The following KIF13B variants were observed in gnomAD, a reference collection of about 807,000 sequenced individuals.
The protein encoded by KIF13B is kinesin-like protein KIF13B.
In KIF13B, 127 loss-of-function variants were observed where a neutral mutation model predicts 222.0. That is an observed-to-expected ratio of 0.57 (90% CI 0.50 to 0.66). The LOEUF (loss-of-function observed/expected upper bound fraction) is 0.66, where lower values mean the gene tolerates loss of function less well. KIF13B is among the 30% of genes least tolerant of loss of function. KIF13B has a pLI of 0.00. For missense variants in KIF13B, 2,173 were observed against 2,379.0 expected, an observed-to-expected ratio of 0.91 and a Z score of 1.80; for synonymous variants, 976 against 919.0, an observed-to-expected ratio of 1.06 and a Z score of -1.12.
At chr8:29,111,894 A>G (rs1028729420) in intron 32 of KIF13B, among the ~76,000 whole-genome samples, 4 of 152,268 alleles carry the variant, frequency 2.6e-5, no homozygotes, top group Non-Finnish European at 5.9e-5. Context: ...CTTACAAACA[A>G]GAGTGAATGA....
At chr8:29,185,904 T>C (rs1165184119) in intron 6 of KIF13B, among the ~76,000 whole-genome samples, 1 of 152,224 alleles carries the variant, frequency 6.6e-6, no homozygotes, top group Non-Finnish European at 1.5e-5. Flanking sequence ...CCAGCGTTTG[T>C]GAAGGCCTCC....
chr8:29,120,230 C>T (rs1311987573), intron 29 of KIF13B, among the ~76,000 whole-genome samples: 1 of 117,882 alleles, frequency 8.5e-6, no homozygotes, highest in African/African-American at 3.3e-5. Context: ...GCACATTGTG[C>T]AGGTTAGTTA....
In KIF13B at chr8:29,127,152, G is replaced by T; in HGVS notation, c.3192C>A (p.Leu1064=). Reference sequence around the variant, plus strand: ...AGGTCTCATGTGTTCTGGGGGCTCTGAGCGGTCTAACTTTGACACATCCAA... The same window carrying T: ...AGGTCTCATGTGTTCTGGGGGCTCTTAGCGGTCTAACTTTGACACATCCAA... ...VGIGCVKVRP[L]RAPRTHETFH... is the part of the protein sequence containing the mutation. Residue 1064 remains leucine, a synonymous_variant, in exon 25 of 40, where the codon CTC becomes CTA. Coordinates refer to ENST00000524189, the MANE Select transcript of KIF13B (RefSeq NM_015254.4). The T allele has an allele frequency of 1.9e-6, 3 of 1,614,008 alleles. 1 individual carries two copies. The South Asian group carries it at 3.3e-5, about 18-fold the overall frequency.
intron 37 of KIF13B, among the ~76,000 whole-genome samples, chr8:29,089,201 C>T (rs1225233525): frequency 1.3e-5 from 2 of 152,176 alleles, no homozygotes; most frequent in Non-Finnish European, 2.9e-5. Context: ...ACTTGGGATA[C>T]CAGACGGGAG....
intron 14 of KIF13B, among the ~76,000 whole-genome samples, chr8:29,153,511 A>G (rs1355923825): frequency 2.1e-5 from 1 of 48,134 alleles, no homozygotes; most frequent in Non-Finnish European, 5.7e-5. Context: ...GCGGGAAATA[A>G]TTAAGAGTAT....
intron 37 of KIF13B, among the ~76,000 whole-genome samples, chr8:29,080,760 G>A (rs969501202): frequency 4.6e-5 from 7 of 152,074 alleles, no homozygotes; most frequent in African/African-American, 1.2e-4. Flanking sequence ...CCAGGGAAGC[G>A]GACTGGTGGC....
chr8:29,071,516 C>G lies in KIF13B; in HGVS notation c.5218+104G>C, dbSNP rs1807273056. 2 of 1,065,850 alleles carry G rather than the reference C, an allele frequency of 1.9e-6. No homozygotes were observed. The highest frequency in any genetic ancestry group is 2.3e-5 in the Admixed American group (1 of 43,034). 66.0% of individuals were successfully genotyped at this position (1,065,850 alleles called of 1,614,324 possible). A position where few individuals can be genotyped will look rare whatever the true frequency, so the allele number is the denominator to read the frequency against. ...CTTCAGCCAAGCCGCTGCCTCCCGG[C>G]CCCTCCCTCTCCTGCCCGGACCCTG... On this transcript the variant is annotated intron_variant, in intron 39 of 39. Transcript: ENST00000524189. This position sits in a 1 kb window ranked among gnomAD's most constrained non-coding sequence, Gnocchi z 4.9.
At chr8:29,138,257 C>T (rs1331054292) in intron 21 of KIF13B, among the ~76,000 whole-genome samples, 1 of 152,080 alleles carries the variant, frequency 6.6e-6, no homozygotes, top group Non-Finnish European at 1.5e-5. Flanking sequence ...ATCGCTTGAA[C>T]CCAGGAGGTG....
At chr8:29,111,540 T>C (rs1563710466) in intron 32 of KIF13B, among the ~76,000 whole-genome samples, 1 of 152,276 alleles carries the variant, frequency 6.6e-6, no homozygotes, top group Non-Finnish European at 1.5e-5. Context: ...GTTTGCCAGC[T>C]TGGATGTTTA....
At chr8:29,144,448 G>C (rs1810963290) in intron 18 of KIF13B, among the ~76,000 whole-genome samples, 1 of 151,952 alleles carries the variant, frequency 6.6e-6, no homozygotes, top group South Asian at 2.1e-4. Context: ...AATAGAGATG[G>C]GGTTTCATCA....
chr8:29,235,644 AG>A (rs373848740), intron 2 of KIF13B, among the ~76,000 whole-genome samples: 416 of 152,310 alleles, frequency 2.7e-3, no homozygotes, highest in African/African-American at 9.5e-3. Flanking sequence ...CAAAATACAT[AG>A]ATAAAAGCAA....
At chr8:29,145,646 AAATAG>A (rs1029237122) in intron 18 of KIF13B, among the ~76,000 whole-genome samples, 14 of 152,196 alleles carry the variant, frequency 9.2e-5, no homozygotes, top group African/African-American at 3.1e-4. Context: ...AAAAAAAGAA[AAATAG>A]AATATCCAAG....
intron 19 of KIF13B, among the ~76,000 whole-genome samples, chr8:29,141,932 A>G (rs1810835171): frequency 6.6e-6 from 1 of 152,366 alleles, no homozygotes; most frequent in Middle Eastern, 3.4e-3. Context: ...GAATTCTGCT[A>G]GAAATCTAAA....
intron 38 of KIF13B, among the ~76,000 whole-genome samples, chr8:29,073,783 G>C (rs1177111319): frequency 6.6e-6 from 1 of 152,082 alleles, no homozygotes; most frequent in Non-Finnish European, 1.5e-5. Context: ...CGTTTCCAGG[G>C]GCCCTCTTTT....
chr8:29,093,902 T>A (rs1457596694), intron 36 of KIF13B, among the ~76,000 whole-genome samples: 1 of 151,334 alleles, frequency 6.6e-6, no homozygotes, highest in Non-Finnish European at 1.5e-5. Flanking sequence ...AAAACAAGGA[T>A]GAGAAAAATA....
Position 29,180,201 on chromosome 8 carries a change from C to A in KIF13B, c.623G>T (p.Arg208Leu), listed in dbSNP as rs747713433. 1.2e-6 allele frequency: 2 copies of A among 1,613,828 alleles called. No individual in the cohort carries two copies. The highest frequency in any genetic ancestry group is 2.7e-5 in the African/African-American group (2 of 74,890). ...GTTCATGTTGGTTGCAGCAACTGTGCGAGATTTGTTACCCTCAGACATCAA... is the reference window on the plus strand; with the variant it reads ...GTTCATGTTGGTTGCAGCAACTGTGAGAGATTTGTTACCCTCAGACATCAA... ...ESLMSEGNKS[R>L]TVAATNMNEE... The change falls in exon 8 of 40, where the codon CGC (arginine) becomes CTC (leucine). Residue 208 changes from arginine to leucine, a missense_variant. Transcript: ENST00000524189.
chr8:29,205,469 CCGA>C (rs1340597143), intron 2 of KIF13B, among the ~76,000 whole-genome samples: 1 of 152,060 alleles, frequency 6.6e-6, no homozygotes, highest in African/African-American at 2.4e-5. Flanking sequence ...AAGAAAAACA[CCGA>C]CTCACAAATT....
rs147089450 is a variant in KIF13B, at chr8:29,098,170, C to CAAAAAAAAAAAAAAAAAAAAAAA, written c.4324+962_4324+963insTTTTTTTTTTTTTTTTTTTTTTT. 3.5e-3 allele frequency among the ~76,000 whole-genome samples: 106 copies of CAAAAAAAAAAAAAAAAAAAAAAA among 30,294 alleles called. 10 individuals are homozygous for CAAAAAAAAAAAAAAAAAAAAAAA. The highest frequency in any genetic ancestry group is 5.1e-3 in the African/African-American group (31 of 6,108). 19.9% of individuals were successfully genotyped at this position (30,294 alleles called of 152,430 possible). Reference sequence around the variant, plus strand: ...TGGGCGACAGAGTCAGACTCCATCTCAAAAAAAAAAAAAAAAAAAAGTAAG... The same window carrying CAAAAAAAAAAAAAAAAAAAAAAA: ...TGGGCGACAGAGTCAGACTCCATCTCAAAAAAAAAAAAAAAAAAAAAAAAAAAAAAAAAAAAAAAAAAAGTAAG... On this transcript the variant is annotated intron_variant, in intron 36 of 39. Coordinates refer to ENST00000524189, the MANE Select transcript of KIF13B (RefSeq NM_015254.4).
intron 1 of KIF13B, among the ~76,000 whole-genome samples, chr8:29,246,591 T>C (rs1296851257): frequency 6.6e-6 from 1 of 152,060 alleles, no homozygotes; most frequent in Non-Finnish European, 1.5e-5. Flanking sequence ...AGCTTTTTTA[T>C]AAAAACCAAC....
Sources: gnomAD v4.1 joint callset for allele counts (sites outside exome capture counted in the v4.1 genomes callset) on GRCh38, gnomAD v4.1.1 for gene constraint, Gnocchi (gnomAD v3.1) non-coding constraint, MANE v1.5 for transcripts, NCBI Gene and HGNC (gene_info 2026-07-23, HGNC 2026-07-21) for gene names.